The following B3GALNT2 variants were observed in gnomAD, a reference collection of about 807,000 sequenced individuals.
The protein encoded by B3GALNT2 is UDP-GalNAc:beta-1,3-N-acetylgalactosaminyltransferase 2.
B3GALNT2 carries 53 observed loss-of-function variants against 61.1 expected under a neutral mutation model. That is an observed-to-expected ratio of 0.87 (90% CI 0.70 to 1.09). B3GALNT2 has a LOEUF of 1.09. Ranked by LOEUF, B3GALNT2 falls within the 50% of genes least tolerant of loss-of-function variation. B3GALNT2 has a pLI of 0.00. For synonymous variants in B3GALNT2, 223 were observed against 237.4 expected (o/e 0.94, Z 0.56); for missense variants, 544 against 623.0 (o/e 0.87, Z 1.35).
intron 1 of B3GALNT2, among the ~76,000 whole-genome samples, chr1:235,500,748 T>A (rs958119369): frequency 1.3e-5 from 2 of 152,202 alleles, no homozygotes; most frequent in African/African-American, 4.8e-5. Context: ...CTACCACTCC[T>A]CTCTCAAACT....
intron 9 of B3GALNT2, among the ~76,000 whole-genome samples, chr1:235,454,662 A>G (rs1683083201): frequency 6.6e-6 from 1 of 151,278 alleles, no homozygotes; most frequent in South Asian, 2.1e-4. Context: ...CTGGTCTTGA[A>G]CTCCTGACTT....
chr1:235,448,810 G>A lies in B3GALNT2; in HGVS notation c.*1396C>T, dbSNP rs761551269. 5 of 1,331,918 alleles carry A rather than the reference G, an allele frequency of 3.8e-6. No homozygotes were observed. The highest frequency in any genetic ancestry group is 5.4e-6 in the Non-Finnish European group (5 of 927,226). The allele number at this position is 1,331,918 out of a possible 1,614,324, so 82.5% of individuals were successfully genotyped here. The stretch of plus-strand genomic sequence containing the variant: ...GACCACACTGCTTATCGTGTCTGGG[G>A]TTCACCGGAAATAAATGATTCACTG... On this transcript the variant is annotated 3_prime_UTR_variant, in exon 12 of 12. Coordinates refer to ENST00000366600, the MANE Select transcript of B3GALNT2 (RefSeq NM_152490.5).
intron 1 of B3GALNT2, among the ~76,000 whole-genome samples, chr1:235,503,752 G>GA (rs35920460): frequency 0.18 from 27,748 of 151,972 alleles, 3,286 homozygotes; most frequent in East Asian, 0.52. Flanking sequence ...TGGGGGGGAA[G>GA]AAAACAACTT....
chr1:235,469,075 A>T (rs1683863552), intron 6 of B3GALNT2, among the ~76,000 whole-genome samples: 1 of 152,166 alleles, frequency 6.6e-6, no homozygotes, highest in African/African-American at 2.4e-5. Flanking sequence ...ATATGAATCT[A>T]TGGGTCTATT....
downstream of B3GALNT2, among the ~76,000 whole-genome samples, chr1:235,446,765 A>G (rs1052162542): frequency 1.3e-5 from 2 of 150,354 alleles, no homozygotes; most frequent in Non-Finnish European, 2.9e-5. Flanking sequence ...TGGCGCGATC[A>G]TGGCTCACTG....
At chr1:235,493,948 G>A (rs1219324565) in intron 2 of B3GALNT2, among the ~76,000 whole-genome samples, 1 of 152,124 alleles carries the variant, frequency 6.6e-6, no homozygotes, top group Non-Finnish European at 1.5e-5. Context: ...ACAATCTTCA[G>A]AGGTTGATCT....
At chr1:235,474,382 A>C (rs763665474) in intron 5 of B3GALNT2, among the ~76,000 whole-genome samples, 14 of 152,236 alleles carry the variant, frequency 9.2e-5, no homozygotes, top group Non-Finnish European at 2.1e-4. Flanking sequence ...TTCACGCATC[A>C]ACTCTTTTCC....
At position 235,504,175 on chromosome 1, in the gene B3GALNT2, C is replaced by G; in HGVS notation, c.78G>C (p.Pro26=). 7.7e-7 allele frequency: 1 copy of G among 1,301,750 alleles called. No individual in the cohort carries two copies. The highest frequency in any genetic ancestry group is 9.7e-7 in the Non-Finnish European group (1 of 1,030,528). The allele number at this position is 1,301,750 out of a possible 1,614,324, so 80.6% of individuals were successfully genotyped here. A position where few individuals can be genotyped will look rare whatever the true frequency, so the allele number is the denominator to read the frequency against. Residue 26 remains proline, a synonymous_variant, in exon 1 of 12, where the codon CCG becomes CCC. Transcript: ENST00000366600. ...CGGCCCCGGAGGCGCAGGCGGGCGG[C>G]GGGGAGCGCAGCCGCAGCCAGAGGT... ...ALHLWLRLRS[P]PPACASGAGP...
intron 1 of B3GALNT2, among the ~76,000 whole-genome samples, chr1:235,495,979 T>C (rs1685299466): frequency 6.6e-6 from 1 of 152,196 alleles, no homozygotes; most frequent in Non-Finnish European, 1.5e-5. Flanking sequence ...AATTTTTGTG[T>C]AGATACCTTA....
the B3GALNT2 span, among the ~76,000 whole-genome samples, chr1:235,440,215 C>T: frequency 6.6e-6 from 1 of 152,102 alleles, no homozygotes; most frequent in East Asian, 1.9e-4. Context: ...TGTGATCCAC[C>T]CACCTTGGCC....
chr1:235,459,285 T>C (rs185476592), intron 7 of B3GALNT2, among the ~76,000 whole-genome samples: 1 of 152,200 alleles, frequency 6.6e-6, no homozygotes, highest in East Asian at 1.9e-4. Flanking sequence ...ATAAATACAA[T>C]ATGACACCAC....
intron 1 of B3GALNT2, among the ~76,000 whole-genome samples, chr1:235,500,954 T>G (rs1490601854): frequency 6.6e-6 from 1 of 152,222 alleles, no homozygotes; most frequent in Non-Finnish European, 1.5e-5. Context: ...TCTGACCTTC[T>G]ACTTGCTCTA....
chr1:235,475,986 G>A (rs954726934), intron 5 of B3GALNT2, among the ~76,000 whole-genome samples: 6 of 151,920 alleles, frequency 3.9e-5, no homozygotes, highest in African/African-American at 7.3e-5. Context: ...CACCACACGT[G>A]GCCTGCTTGT....
chr1:235,465,674 A>G lies in B3GALNT2; in HGVS notation c.803T>C (p.Val268Ala). The change falls in exon 7 of 12, where the codon GTG (valine) becomes GCG (alanine). Residue 268 changes from valine (V) to alanine (A), a missense_variant. Physicochemically the swap from Val to Ala is moderately conservative, Grantham distance 64 (BLOSUM62 0). Transcript: ENST00000366600. Reference protein sequence around the residue: ...GALPHEFLEGVEGVAGGFIYT... With the variant: ...GALPHEFLEGAEGVAGGFIYT... ...TATAAAACCACCTGCAACTCCCTCC[A>G]CACCTTCCAAGAATTCATGAGGCAA... 6.2e-7 allele frequency: 1 copy of G among 1,614,046 alleles called. No homozygotes were observed. The highest frequency in any genetic ancestry group is 8.5e-7 in the Non-Finnish European group (1 of 1,179,994).
intron 6 of B3GALNT2, among the ~76,000 whole-genome samples, chr1:235,468,980 T>C (rs933352737): frequency 1.3e-5 from 2 of 152,180 alleles, no homozygotes; most frequent in African/African-American, 2.4e-5. Flanking sequence ...ATTTACTTTA[T>C]GAAATTTACC....
chr1:235,504,326 G>T lies in B3GALNT2; in HGVS notation c.-74C>A. 1 of 1,427,132 alleles carries T rather than the reference G, an allele frequency of 7.0e-7. No homozygotes were observed. Among genetic ancestry groups the T allele is most frequent in the South Asian group, 1.3e-5 (1 of 74,438 alleles). 88.4% of individuals were successfully genotyped at this position (1,427,132 alleles called of 1,614,324 possible). ...GAGGGGACCTGCAAGTGCGGAGACT[G>T]AGGGGCGGCGGCTGACGAGCGACCA... On this transcript the variant is annotated 5_prime_UTR_variant, in exon 1 of 12. Coordinates refer to ENST00000366600, the MANE Select transcript of B3GALNT2 (RefSeq NM_152490.5).
rs774845934 is a variant in B3GALNT2 at position 235,447,656 on chromosome 1, C to T, written c.*2550G>A. Among the ~76,000 whole-genome samples, 4 of 152,046 alleles carry T rather than the reference C, an allele frequency of 2.6e-5. No homozygotes were observed. Among genetic ancestry groups the T allele is most frequent in the Admixed American group, 6.6e-5 (1 of 15,252 alleles). ...GATACCTGAGTCCCATTCCAGTGTT[C>T]GTTCAGTAATTCATAAGGAAGTCAT... is the stretch of plus-strand genomic sequence containing the variant. On this transcript the variant is annotated 3_prime_UTR_variant, in exon 12 of 12. Coordinates refer to ENST00000366600, the MANE Select transcript of B3GALNT2 (RefSeq NM_152490.5).
intron 7 of B3GALNT2, chr1:235,463,443 T>TC (rs1683524792): frequency 6.7e-6 from 1 of 149,850 alleles, no homozygotes; most frequent in Admixed American, 6.6e-5. Flanking sequence ...AGCTAGGTTT[T>TC]CTTTTTTTTT....
At chr1:235,467,432 T>C (rs927928546) in intron 6 of B3GALNT2, among the ~76,000 whole-genome samples, 2 of 152,016 alleles carry the variant, frequency 1.3e-5, no homozygotes, top group African/African-American at 4.8e-5. Context: ...GATTCCAACG[T>C]TGTAGTTCCA....
Sources: allele counts gnomAD v4.1 joint callset (sites outside exome capture counted in the v4.1 genomes callset), GRCh38; gene constraint gnomAD v4.1.1; transcripts MANE v1.5; gene names NCBI Gene and HGNC (gene_info 2026-07-23, HGNC 2026-07-21).